JARID2: variants seen among roughly 807,000 people sequenced by gnomAD.
The protein encoded by JARID2 is protein Jumonji.
A neutral mutation model predicts 125.6 loss-of-function variants in JARID2; 21 were observed. That is an observed-to-expected ratio of 0.17 (90% CI 0.12 to 0.24). The LOEUF (loss-of-function observed/expected upper bound fraction) is 0.24. JARID2 is among the 10% of genes least tolerant of loss of function. The probability of loss-of-function intolerance (pLI) is 1.00; values close to 1 mark genes in which losing one functional copy is unlikely to be tolerated. For missense variants in JARID2, 1,303 were observed against 1,639.6 expected (o/e 0.79, Z 3.55); for synonymous variants, 736 against 661.6 (o/e 1.11, Z -1.73).
rs1210219153 is a variant in JARID2, at chr6:15,487,397, GCGATCAC to G, written c.764_770del (p.Asp255GlyfsTer50). 1 of 1,614,256 alleles carries G rather than the reference GCGATCAC, an allele frequency of 6.2e-7. No homozygotes were observed. The highest frequency in any genetic ancestry group is 8.5e-7 in the Non-Finnish European group (1 of 1,180,052). ...GCCACTCCCGCAAAGGAGAAGCACAGCGATCACCGGGCTGACAGCCGCCGGGAGCAGG... is the reference window on the plus strand; with the variant it reads ...GCCACTCCCGCAAAGGAGAAGCACAGCGGGCTGACAGCCGCCGGGAGCAGG... On this transcript the variant is annotated frameshift_variant, in exon 6 of 18. Transcript: ENST00000341776. LOFTEE classifies it high-confidence loss of function.
At chr6:15,272,628 A>G (rs1040029178) in intron 1 of JARID2, among the ~76,000 whole-genome samples, 1 of 152,198 alleles carries the variant, frequency 6.6e-6, no homozygotes, top group Non-Finnish European at 1.5e-5. Flanking sequence ...CCCCCCTACC[A>G]CTACTTGACC....
At chr6:15,462,459 A>C (rs981775051) in intron 4 of JARID2, among the ~76,000 whole-genome samples, 2 of 152,250 alleles carry the variant, frequency 1.3e-5, no homozygotes, top group African/African-American at 4.8e-5. Context: ...GCTGATACAT[A>C]CATACGTAGA....
intron 3 of JARID2, 46 bp from the exon 4 acceptor site, chr6:15,451,960 T>C (rs1394747505): frequency 6.3e-7 from 1 of 1,593,472 alleles, no homozygotes; most frequent in East Asian, 2.3e-5. Flanking sequence ...GCCTATATCC[T>C]CCAGTCTCTG....
intron 3 of JARID2, among the ~76,000 whole-genome samples, chr6:15,445,659 G>GC (rs1767642578): frequency 6.6e-6 from 1 of 152,158 alleles, no homozygotes; most frequent in African/African-American, 2.4e-5. Context: ...CGCCTCTTGG[G>GC]CCCAGCGACT....
At chr6:15,411,150 CT>C (rs1765858764) in intron 3 of JARID2, among the ~76,000 whole-genome samples, 1 of 150,724 alleles carries the variant, frequency 6.6e-6, no homozygotes, top group Non-Finnish European at 1.5e-5. Flanking sequence ...CTGACTTTTT[CT>C]TAGAATTTGT....
intron 16 of JARID2, among the ~76,000 whole-genome samples, chr6:15,515,052 T>G (rs947254766): frequency 6.6e-5 from 10 of 152,196 alleles, no homozygotes; most frequent in South Asian, 2.1e-4. Flanking sequence ...CTGTTCTTTT[T>G]TTTTTTTGTT....
At chr6:15,404,753 G>A (rs989962925) in intron 2 of JARID2, among the ~76,000 whole-genome samples, 1 of 152,184 alleles carries the variant, frequency 6.6e-6, no homozygotes, top group African/African-American at 2.4e-5. Flanking sequence ...ATATGCTAAT[G>A]ACTTTGGTGT....
intron 1 of JARID2, among the ~76,000 whole-genome samples, chr6:15,335,008 A>C (rs753605722): frequency 2.0e-5 from 3 of 152,164 alleles, no homozygotes; most frequent in Non-Finnish European, 2.9e-5. Flanking sequence ...TGATTTTATA[A>C]ATGGTAATTG....
At chr6:15,469,353 CTCTCTCTCCTCCCCT>C (rs1768937586) in intron 5 of JARID2, among the ~76,000 whole-genome samples, 1 of 39,052 alleles carries the variant, frequency 2.6e-5, no homozygotes, top group African/African-American at 8.0e-5. Flanking sequence ...CTCTCTCTCT[CTCTCTCTCCTCCCCT>C]TCTCCCCCTC....
At chr6:15,256,340 A>C (rs10949286) in intron 1 of JARID2, among the ~76,000 whole-genome samples, 40,912 of 152,056 alleles carry the variant, frequency 0.27, 5,713 homozygotes, top group South Asian at 0.45. Flanking sequence ...CCTCTGTCCT[A>C]TATTAGCCAA....
chr6:15,265,903 A>G (rs559160741), intron 1 of JARID2, among the ~76,000 whole-genome samples: 2 of 152,126 alleles, frequency 1.3e-5, no homozygotes, highest in East Asian at 1.9e-4. Context: ...ACTGGAGGGC[A>G]TGGGCGGTGG....
rs560065021 is a variant in JARID2, at chr6:15,323,958, G to A, written c.46-50159G>A. On this transcript the variant is annotated intron_variant, in intron 1 of 17. Transcript: ENST00000341776. ...AGCATTTTGGGAGGCTGAGGCGGGC[G>A]GATCACAAGGTCAGCAGATCGAGAC... Among the ~76,000 whole-genome samples the A allele has an allele frequency of 3.3e-4, 50 of 151,506 alleles. 1 individual carries two copies. Among genetic ancestry groups the A allele is most frequent in the African/African-American group, 2.9e-4 (12 of 41,284 alleles).
At chr6:15,416,024 T>C (rs1434796322) in intron 3 of JARID2, among the ~76,000 whole-genome samples, 1 of 134,338 alleles carries the variant, frequency 7.4e-6, no homozygotes, top group African/African-American at 2.9e-5. Context: ...CATGGCCCGG[T>C]AGAGGCGCTC....
At chr6:15,467,857 G>A (rs1010607013) in intron 4 of JARID2, among the ~76,000 whole-genome samples, 2 of 152,122 alleles carry the variant, frequency 1.3e-5, no homozygotes, top group East Asian at 3.9e-4. Flanking sequence ...TTTAAAATCC[G>A]GAATGAGAAC....
At chr6:15,338,675 C>G (rs567437831) in intron 1 of JARID2, among the ~76,000 whole-genome samples, 4 of 152,162 alleles carry the variant, frequency 2.6e-5, no homozygotes, top group African/African-American at 9.7e-5. Context: ...TAGCCCTGCC[C>G]CTATGGTCCA....
intron 3 of JARID2, among the ~76,000 whole-genome samples, chr6:15,421,888 G>C (rs1024832008): frequency 6.6e-6 from 1 of 152,188 alleles, no homozygotes; most frequent in African/African-American, 2.4e-5. Flanking sequence ...CAACTGTGCT[G>C]AGGGGCACCT....
intron 4 of JARID2, among the ~76,000 whole-genome samples, chr6:15,454,925 G>T (rs1224317606): frequency 2.0e-5 from 3 of 152,184 alleles, no homozygotes; most frequent in Admixed American, 1.3e-4. Flanking sequence ...CCACTAGACT[G>T]TGAGGCTGGT....
intron 1 of JARID2, among the ~76,000 whole-genome samples, chr6:15,280,629 C>CTTTTTTTTTTTTTTTTT (rs11427786): frequency 7.3e-6 from 1 of 136,744 alleles, no homozygotes. Context: ...CCACACCCTG[C>CTTTTTTTTTTTTTTTTT]TTTTTTTTTT....
rs1002812728 is a variant in JARID2, at chr6:15,521,971, A to C, written c.*1720A>C. On this transcript the variant is annotated 3_prime_UTR_variant, in exon 18 of 18. Coordinates refer to ENST00000341776, the MANE Select transcript of JARID2 (RefSeq NM_004973.4). Reference sequence around the variant, plus strand: ...GTGGTTTATTGCGAGTTTTTTGTTTACTTTTCAGGTTTGTACTACAAGGTT... The same window carrying C: ...GTGGTTTATTGCGAGTTTTTTGTTTCCTTTTCAGGTTTGTACTACAAGGTT... 3.9e-5 allele frequency: 6 copies of C among 152,152 alleles called. No individual in the cohort carries two copies. The highest frequency in any genetic ancestry group is 1.2e-4 in the African/African-American group (5 of 41,440). The allele number at this position is 152,152 out of a possible 1,614,324, so 9.4% of individuals were successfully genotyped here.
Sources: gnomAD v4.1 joint callset for allele counts (sites outside exome capture counted in the v4.1 genomes callset) on GRCh38, gnomAD v4.1.1 for gene constraint, MANE v1.5 for transcripts, NCBI Gene and HGNC (gene_info 2026-07-23, HGNC 2026-07-21) for gene names.